The following GRHL3 variants were observed in gnomAD, a reference collection of about 807,000 sequenced individuals.
GRHL3 encodes grainyhead-like protein 3 homolog.
Under a neutral mutation model 70.3 loss-of-function variants are expected in GRHL3, and 20 were observed. That is an observed-to-expected ratio of 0.28 (90% CI 0.20 to 0.41). GRHL3 has a LOEUF of 0.41. Among genes scored for constraint, GRHL3 ranks in the 10% least tolerant of loss-of-function variants. The probability of loss-of-function intolerance (pLI) is 1.00; values close to 1 mark genes in which losing one functional copy is unlikely to be tolerated. For missense variants in GRHL3, 637 were observed against 762.3 expected (o/e 0.84, Z 1.94); for synonymous variants, 299 against 299.9 (o/e 1.00, Z 0.03).
chr1:24,331,543 G>A lies in GRHL3; in HGVS notation c.135G>A (p.Lys45=). The change falls in exon 2 of 16, where the codon AAG becomes AAA. Residue 45 remains lysine (K), a synonymous_variant. Coordinates refer to ENST00000361548, the MANE Select transcript of GRHL3 (RefSeq NM_198173.3). ...YLENPLTAAT[K]AMMRVNGDDD... ...AAAACCCGTTGACAGCTGCCACAAA[G>A]GCCATGATGAGAGTCAATGGAGATG... 1.2e-6 allele frequency: 2 copies of A among 1,614,160 alleles called. No homozygotes were observed. Among genetic ancestry groups the A allele is most frequent in the Non-Finnish European group, 1.7e-6 (2 of 1,180,022 alleles).
chr1:24,358,017 C>T (rs1427400648), downstream of GRHL3: 4 of 355,532 alleles, frequency 1.1e-5, no homozygotes, highest in Admixed American at 7.4e-5. Flanking sequence ...AAAAGCATCA[C>T]CTGCCTGCAG....
chr1:24,333,130 G>A (rs1266246134), intron 2 of GRHL3, among the ~76,000 whole-genome samples: 1 of 152,204 alleles, frequency 6.6e-6, no homozygotes, highest in Non-Finnish European at 1.5e-5. Context: ...GGCTCTGAAG[G>A]TGACATTGAT....
intron 7 of GRHL3, 118 bp downstream of exon 7, chr1:24,338,221 G>T: frequency 4.7e-6 from 3 of 635,172 alleles, no homozygotes; most frequent in Admixed American, 6.4e-5. Context: ...CTGTCTCCAG[G>T]TCAAACACCG....
At chr1:24,360,861 C>G in intron 15 of GRHL3, 2 of 1,611,990 alleles carry the variant, frequency 1.2e-6, no homozygotes, top group African/African-American at 1.3e-5. Flanking sequence ...CTGGGCCAGG[C>G]AGGCCTGGCT....
chr1:24,322,551 G>A lies in GRHL3; in HGVS notation c.17+2983G>A, dbSNP rs532403248. Among the ~76,000 whole-genome samples the A allele has an allele frequency of 6.6e-6, 1 of 152,228 alleles. No individual in the cohort carries two copies. Among genetic ancestry groups the A allele is most frequent in the Non-Finnish European group, 1.5e-5 (1 of 68,030 alleles). On this transcript the variant is annotated intron_variant, in intron 1 of 15. Coordinates refer to ENST00000361548, the MANE Select transcript of GRHL3 (RefSeq NM_198173.3). This position sits in a 1 kb window ranked among gnomAD's most constrained non-coding sequence, Gnocchi z 4.4. ...TTTGAGTTCGGGCTGTAAAACTGGCGGACTGGGCCGAGAGGCTTGAGCCAA... is the reference window on the plus strand; with the variant it reads ...TTTGAGTTCGGGCTGTAAAACTGGCAGACTGGGCCGAGAGGCTTGAGCCAA...
intron 1 of GRHL3, 41 bp from the exon 2 acceptor site, chr1:24,331,385 T>A (rs768636181): frequency 1.9e-6 from 3 of 1,555,918 alleles, no homozygotes; most frequent in South Asian, 2.5e-5. Flanking sequence ...CGGACCTTCC[T>A]CTGGGATAGC....
chr1:24,354,294 C>A, intron 15 of GRHL3, 80 bp from the exon 16 acceptor site: 1 of 918,426 alleles, frequency 1.1e-6, no homozygotes, highest in South Asian at 1.4e-5. Context: ...GGGTATGACC[C>A]ATCACTCATC....
chr1:24,319,805 C>A, intron 1 of GRHL3: 1 of 1,304,396 alleles, frequency 7.7e-7, no homozygotes, highest in Non-Finnish European at 1.0e-6. Context: ...CAGTTTCGAG[C>A]CAGGCAGGGA....
intron 1 of GRHL3, among the ~76,000 whole-genome samples, chr1:24,328,893 AT>A (rs1639491151): frequency 6.6e-6 from 1 of 152,176 alleles, no homozygotes; most frequent in Non-Finnish European, 1.5e-5. Context: ...GTCCCTGTTG[AT>A]CCAGGGGGTG....
At chr1:24,350,725 T>C (rs1430676239) in intron 15 of GRHL3, among the ~76,000 whole-genome samples, 2 of 152,236 alleles carry the variant, frequency 1.3e-5, no homozygotes, top group Non-Finnish European at 2.9e-5. Flanking sequence ...GGGAGTCATT[T>C]TGAGGGAATC....
chr1:24,354,567 A>C lies in GRHL3; in HGVS notation c.*79A>C. 1.1e-6 allele frequency: 1 copy of C among 873,668 alleles called. No individual in the cohort carries two copies. The highest frequency in any genetic ancestry group is 1.9e-6 in the Non-Finnish European group (1 of 521,112). 54.1% of individuals were successfully genotyped at this position (873,668 alleles called of 1,614,324 possible). On this transcript the variant is annotated 3_prime_UTR_variant, in exon 16 of 16. Transcript: ENST00000361548. ...GCCCCACGCCACACACAACCTCTCC[A>C]CATGCCTCAGCGCTGTTACTTGAAT...
intron 1 of GRHL3, among the ~76,000 whole-genome samples, chr1:24,329,200 C>T (rs1639511462): frequency 6.6e-6 from 1 of 152,192 alleles, no homozygotes; most frequent in African/African-American, 2.4e-5. Context: ...TCTCAGAGCC[C>T]AGCTCCTCAC....
chr1:24,321,421 A>G lies in GRHL3; in HGVS notation c.17+1853A>G, dbSNP rs1391828397. On this transcript the variant is annotated intron_variant, in intron 1 of 15. Coordinates refer to ENST00000361548, the MANE Select transcript of GRHL3 (RefSeq NM_198173.3). The surrounding 1 kb of genome is among the most constrained non-coding windows in gnomAD (Gnocchi z 4.0). Reference sequence around the variant, plus strand: ...GGAGGGCACCCGGCGCTTGGCTTGCAAGTTCTGAGCTGCTGTTGCTTCTGC... The same window carrying G: ...GGAGGGCACCCGGCGCTTGGCTTGCGAGTTCTGAGCTGCTGTTGCTTCTGC... Among the ~76,000 whole-genome samples the G allele has an allele frequency of 6.6e-6, 1 of 152,132 alleles. No individual in the cohort carries two copies. Among genetic ancestry groups the G allele is most frequent in the African/African-American group, 2.4e-5 (1 of 41,404 alleles).
rs1569885202 is a variant in GRHL3, at chr1:24,337,895, T to C, written c.841-97T>C. ...GGAAAGGCTGTTTGATAATAGCCCA[T>C]TGCCACAGGGTTGGGGAAACTGAGG... is the stretch of plus-strand genomic sequence containing the variant. On this transcript the variant is annotated intron_variant, in intron 6 of 15. Transcript: ENST00000361548. The C allele has an allele frequency of 8.7e-5, 137 of 1,566,292 alleles. No individual in the cohort carries two copies. In the South Asian group the frequency reaches 1.4e-3, roughly 16 times the overall value.
Position 24,334,712 on chromosome 1 carries a change from G to A in GRHL3, c.266+6G>A. The A allele has an allele frequency of 1.2e-6, 2 of 1,608,898 alleles. No homozygotes were observed. The highest frequency in any genetic ancestry group is 2.2e-5 in the South Asian group (2 of 89,682). ...AGGAATGACCAAGGAAAGAGGTGAG[G>A]CTTGCCAACACCCTCTGCCTCTTTG... On this transcript the variant is annotated splice_donor_region_variant and intron_variant, in intron 3 of 15. Coordinates refer to ENST00000361548, the MANE Select transcript of GRHL3 (RefSeq NM_198173.3). The surrounding 1 kb of genome is among the most constrained non-coding windows in gnomAD (Gnocchi z 4.3).
chr1:24,340,285 G>A (rs1273216678), intron 8 of GRHL3, among the ~76,000 whole-genome samples: 1 of 152,168 alleles, frequency 6.6e-6, no homozygotes, highest in African/African-American at 2.4e-5. Context: ...ATGAGGGCTC[G>A]AATCCCAGTT....
intron 12 of GRHL3, 63 bp from the exon 13 acceptor site, chr1:24,346,490 G>A: frequency 8.9e-7 from 1 of 1,121,618 alleles, no homozygotes; most frequent in Non-Finnish European, 1.4e-6. Context: ...AGGCCCAGCA[G>A]GGTCCTTGAG....
At chr1:24,332,361 G>A in intron 2 of GRHL3, among the ~76,000 whole-genome samples, 1 of 152,170 alleles carries the variant, frequency 6.6e-6, no homozygotes, top group East Asian at 1.9e-4. Context: ...TCTCTGAGAG[G>A]CTGTCAGCTC....
chr1:24,362,437 C>G (rs1362048581), intron 15 of GRHL3, among the ~76,000 whole-genome samples: 2 of 152,164 alleles, frequency 1.3e-5, no homozygotes, highest in African/African-American at 4.8e-5. Context: ...TCTAGTCATG[C>G]CACTTACTGG....
Sources: allele counts gnomAD v4.1 joint callset (sites outside exome capture counted in the v4.1 genomes callset), GRCh38; gene constraint gnomAD v4.1.1; non-coding constraint Gnocchi (gnomAD v3.1); transcripts MANE v1.5; gene names NCBI Gene and HGNC (gene_info 2026-07-23, HGNC 2026-07-21).